Variants in CELF2 observed in about 807,000 individuals in gnomAD.
The protein encoded by CELF2 is CUG triplet repeat RNA-binding protein 2.
A neutral mutation model predicts 62.6 loss-of-function variants in CELF2; 8 were observed. The observed-to-expected ratio is 0.13, with a 90% confidence interval of 0.07 to 0.23. The LOEUF (loss-of-function observed/expected upper bound fraction) is 0.23, where lower values mean the gene tolerates loss of function less well. Ranked by LOEUF, CELF2 falls within the 10% of genes least tolerant of loss-of-function variation. The pLI, the probability that CELF2 is intolerant of heterozygous loss-of-function variation, is 1.00. For synonymous variants in CELF2, 258 were observed against 250.0 expected (o/e 1.03, Z -0.30); for missense variants, 333 against 671.0 (o/e 0.50, Z 5.56).
chr10:11,279,175 G>A (rs1041648453), intron 8 of CELF2, among the ~76,000 whole-genome samples: 3 of 152,136 alleles, frequency 2.0e-5, no homozygotes, highest in African/African-American at 4.8e-5. Context: ...AAGCTGCGGC[G>A]GAAGTGTCTT....
At chr10:10,685,902 G>A in the CELF2 span, among the ~76,000 whole-genome samples, 1 of 152,152 alleles carries the variant, frequency 6.6e-6, no homozygotes, top group South Asian at 2.1e-4. Flanking sequence ...TGGAATAATT[G>A]TTTCCTAGTC....
chr10:11,276,143 A>AT lies in CELF2; in HGVS notation c.841+1033dup, dbSNP rs763030896. On this transcript the variant is annotated intron_variant, in intron 8 of 12. Coordinates refer to ENST00000633077, the MANE Select transcript of CELF2 (RefSeq NM_001326342.2). ...AAATATGTATCCTTGGGGTTTGTTT[A>AT]TTTTTTTTTTCTTGTTTCACTTCAA... 8.9e-4 allele frequency among the ~76,000 whole-genome samples: 131 copies of AT among 147,748 alleles called. No individual in the cohort carries two copies. In the East Asian group the frequency reaches 0.011, roughly 12 times the overall value.
At chr10:10,699,402 G>C in the CELF2 span, among the ~76,000 whole-genome samples, 1 of 152,180 alleles carries the variant, frequency 6.6e-6, no homozygotes, top group Non-Finnish European at 1.5e-5. Flanking sequence ...GATATCAATG[G>C]TGAGCAATTC....
At chr10:10,746,546 A>C in the CELF2 span, among the ~76,000 whole-genome samples, 1 of 152,230 alleles carries the variant, frequency 6.6e-6, no homozygotes. Flanking sequence ...AAGGAGGCCA[A>C]GCCTGAAAAT....
At chr10:10,721,460 T>A in the CELF2 span, among the ~76,000 whole-genome samples, 1 of 152,236 alleles carries the variant, frequency 6.6e-6, no homozygotes, top group East Asian at 1.9e-4. Flanking sequence ...CTTTGATTAA[T>A]GTTTACCAAG....
At chr10:10,863,459 C>T (rs938664656) in intron 1 of CELF2, among the ~76,000 whole-genome samples, 9 of 152,136 alleles carry the variant, frequency 5.9e-5, no homozygotes, top group African/African-American at 1.7e-4. Context: ...CTGATGTTGA[C>T]GAGCTATGTG....
chr10:10,536,239 C>T, the CELF2 span, among the ~76,000 whole-genome samples: 2 of 152,006 alleles, frequency 1.3e-5, no homozygotes, highest in Admixed American at 6.6e-5. Context: ...AGGATGGTCT[C>T]GATCTCCTGA....
chr10:11,137,077 T>C (rs1421234551), intron 1 of CELF2, among the ~76,000 whole-genome samples: 2 of 152,264 alleles, frequency 1.3e-5, no homozygotes, highest in Non-Finnish European at 2.9e-5. Flanking sequence ...AGATTATATA[T>C]GTATATACCT....
intron 1 of CELF2, among the ~76,000 whole-genome samples, chr10:10,855,368 A>C (rs765599747): frequency 3.3e-5 from 5 of 152,208 alleles, no homozygotes; most frequent in Non-Finnish European, 7.3e-5. Context: ...TGCAGCTGAC[A>C]TGTGTACACA....
At chr10:10,892,853 G>T (rs1044214671) in intron 1 of CELF2, among the ~76,000 whole-genome samples, 2 of 152,220 alleles carry the variant, frequency 1.3e-5, no homozygotes, top group African/African-American at 2.4e-5. Context: ...TGTTGTTATT[G>T]TGTAAAGCTA....
At position 11,309,293 on chromosome 10, in the gene CELF2, C is replaced by A. The variant is rs956577272; in HGVS notation, c.977-4846C>A. On this transcript the variant is annotated intron_variant, in intron 9 of 12. Coordinates refer to ENST00000633077, the MANE Select transcript of CELF2 (RefSeq NM_001326342.2). The surrounding 1 kb of genome is among the most constrained non-coding windows in gnomAD (Gnocchi z 5.6). Reference sequence around the variant, plus strand: ...CCCACTGCACATCACCCCTTCCCCACTGGCTTCTCATTTGTGTTTATTTCC... The same window carrying A: ...CCCACTGCACATCACCCCTTCCCCAATGGCTTCTCATTTGTGTTTATTTCC... 2.6e-5 allele frequency among the ~76,000 whole-genome samples: 4 copies of A among 152,252 alleles called. No homozygotes were observed. Among genetic ancestry groups the A allele is most frequent in the African/African-American group, 9.6e-5 (4 of 41,466 alleles).
the CELF2 span, among the ~76,000 whole-genome samples, chr10:10,672,556 G>T: frequency 1.4e-5 from 2 of 147,752 alleles, no homozygotes; most frequent in Non-Finnish European, 3.0e-5. Flanking sequence ...AAAATATTAT[G>T]TCTTCTCCAT....
rs2072259723 is a variant in CELF2, at chr10:11,178,941, G to A, written c.271+13259G>A. Among the ~76,000 whole-genome samples the A allele has an allele frequency of 6.6e-6, 1 of 152,154 alleles. No individual in the cohort carries two copies. The highest frequency in any genetic ancestry group is 1.5e-5 in the Non-Finnish European group (1 of 68,030). ...TAGAACACTTCAAAGTCAGGAAACC[G>A]TTAAACCACACTGCATCCTCTCTTG... On this transcript the variant is annotated intron_variant, in intron 2 of 12. Transcript: ENST00000633077. This position sits in a 1 kb window ranked among gnomAD's most constrained non-coding sequence, Gnocchi z 4.3.
chr10:10,492,624 G>A, the CELF2 span, among the ~76,000 whole-genome samples: 16 of 152,250 alleles, frequency 1.1e-4, no homozygotes, highest in African/African-American at 7.2e-5. Context: ...GTCCACCCAC[G>A]TTTACAGCAG....
the CELF2 span, among the ~76,000 whole-genome samples, chr10:10,480,936 A>T: frequency 6.6e-6 from 1 of 152,120 alleles, no homozygotes; most frequent in African/African-American, 2.4e-5. Context: ...GGTAGCAGGC[A>T]CCTGTAATTC....
chr10:11,243,098 C>T lies in CELF2; in HGVS notation c.355-6055C>T, dbSNP rs139899956. Among the ~76,000 whole-genome samples, 4 of 152,138 alleles carry T rather than the reference C, an allele frequency of 2.6e-5. No homozygotes were observed. The East Asian group carries it at 5.8e-4, about 22-fold the overall frequency. ...CCTGAAGGACTATATCTCTGTGTGC[C>T]GAGATGCTCCCCTCCATGAGCTCCA... On this transcript the variant is annotated intron_variant, in intron 3 of 12. Coordinates refer to ENST00000633077, the MANE Select transcript of CELF2 (RefSeq NM_001326342.2). This position sits in a 1 kb window ranked among gnomAD's most constrained non-coding sequence, Gnocchi z 4.1.
chr10:10,472,038 G>A, the CELF2 span, among the ~76,000 whole-genome samples: 2 of 150,842 alleles, frequency 1.3e-5, no homozygotes, highest in African/African-American at 4.9e-5. Context: ...TTTTTTCTTT[G>A]GCTTTCAGCA....
rs1298636765 is a variant in CELF2, at chr10:11,156,415, G to A, written c.75-9071G>A. Among the ~76,000 whole-genome samples, 1 of 152,128 alleles carries A rather than the reference G, an allele frequency of 6.6e-6. No individual in the cohort carries two copies. The highest frequency in any genetic ancestry group is 1.5e-5 in the Non-Finnish European group (1 of 68,030). On this transcript the variant is annotated intron_variant, in intron 1 of 12. Transcript: ENST00000633077. This position sits in a 1 kb window ranked among gnomAD's most constrained non-coding sequence, Gnocchi z 4.3. Reference sequence around the variant, plus strand: ...AGACCATCCTCACCGTCCAGACGAGGCCTTCCCTGACCACCTTATTTAATA... The same window carrying A: ...AGACCATCCTCACCGTCCAGACGAGACCTTCCCTGACCACCTTATTTAATA...
intron 2 of CELF2, among the ~76,000 whole-genome samples, chr10:10,942,911 A>G (rs968809003): frequency 1.3e-5 from 2 of 152,212 alleles, no homozygotes; most frequent in Admixed American, 6.5e-5. Context: ...TTCTTGGATA[A>G]TTGGCAACAG....
Sources: allele counts gnomAD v4.1 joint callset (sites outside exome capture counted in the v4.1 genomes callset), GRCh38; gene constraint gnomAD v4.1.1; non-coding constraint Gnocchi (gnomAD v3.1); transcripts MANE v1.5; gene names NCBI Gene and HGNC (gene_info 2026-07-23, HGNC 2026-07-21).